USH2A: variants seen among roughly 807,000 people sequenced by gnomAD.
The protein encoded by USH2A is Usher syndrome 2A (autosomal recessive, mild).
A neutral mutation model predicts 538.9 loss-of-function variants in USH2A; 443 were observed. The observed-to-expected ratio is 0.82, with a 90% CI of 0.76 to 0.89. USH2A has a LOEUF of 0.89. Ranked by LOEUF, USH2A falls within the 40% of genes least tolerant of loss-of-function variation. USH2A has a pLI of 0.00. For synonymous variants in USH2A, 2,413 were observed against 2,273.5 expected, an observed-to-expected ratio of 1.06 and a Z score of -1.75; for missense variants, 6,633 against 6,324.8, an observed-to-expected ratio of 1.05 and a Z score of -1.65.
intron 44 of USH2A, among the ~76,000 whole-genome samples, chr1:215,848,076 G>A (rs185635083): frequency 3.9e-5 from 6 of 152,154 alleles, no homozygotes; most frequent in East Asian, 1.9e-4. Context: ...ATTGATCATC[G>A]GCAGGAACTG....
chr1:215,638,905 G>C (rs2102634266), intron 69 of USH2A, among the ~76,000 whole-genome samples: 1 of 151,392 alleles, frequency 6.6e-6, no homozygotes, highest in African/African-American at 2.4e-5. Flanking sequence ...TTGAACCCAG[G>C]AGGTGGAGGT....
At chr1:216,101,285 A>T (rs867131969) in intron 21 of USH2A, among the ~76,000 whole-genome samples, 1 of 152,250 alleles carries the variant, frequency 6.6e-6, no homozygotes, top group Non-Finnish European at 1.5e-5. Flanking sequence ...TTTGATTAAC[A>T]TATAAAACAT....
chr1:215,946,401 T>C (rs1335010099), intron 37 of USH2A, among the ~76,000 whole-genome samples: 1 of 152,166 alleles, frequency 6.6e-6, no homozygotes, highest in East Asian at 1.9e-4. Flanking sequence ...AGACAGACTT[T>C]GGCATAATTT....
chr1:215,717,770 A>T (rs1030687902), intron 61 of USH2A, among the ~76,000 whole-genome samples: 3 of 152,118 alleles, frequency 2.0e-5, no homozygotes, highest in Non-Finnish European at 4.4e-5. Context: ...TCATATATTC[A>T]TGAGACTACA....
chr1:216,075,961 T>C (rs374613922), intron 27 of USH2A, among the ~76,000 whole-genome samples: 1 of 152,000 alleles, frequency 6.6e-6, no homozygotes, highest in Admixed American at 6.6e-5. Flanking sequence ...TTAAGACAAT[T>C]GATAGTGGGT....
At chr1:215,930,534 T>C (rs1449729413) in intron 38 of USH2A, among the ~76,000 whole-genome samples, 2 of 152,058 alleles carry the variant, frequency 1.3e-5, no homozygotes, top group South Asian at 2.1e-4. Flanking sequence ...TCTAAGCTCA[T>C]TTGTTCTTCT....
Position 215,670,959 on chromosome 1 carries a change from A to T in USH2A, c.14133+13T>A. On this transcript the variant is annotated intron_variant, in intron 64 of 71. Transcript: ENST00000307340. The stretch of plus-strand genomic sequence containing the variant: ...ACAATCAGCTCGAATTGTTTATAAT[A>T]CACATTTCTTACCTGATACTCATAC... The T allele has an allele frequency of 1.2e-6, 2 of 1,613,604 alleles. No homozygotes were observed. Among genetic ancestry groups the T allele is most frequent in the Non-Finnish European group, 1.7e-6 (2 of 1,179,532 alleles).
intron 13 of USH2A, among the ~76,000 whole-genome samples, chr1:216,233,611 C>T (rs1038527884): frequency 2.6e-5 from 4 of 151,856 alleles, no homozygotes; most frequent in African/African-American, 9.7e-5. Context: ...GGCTGTGAGC[C>T]CTGCAAGTAG....
chr1:215,877,755 C>T lies in USH2A; in HGVS notation c.8681+3G>A, dbSNP rs541719977. 3 of 1,613,526 alleles carry T rather than the reference C, an allele frequency of 1.9e-6. No individual in the cohort carries two copies. Among genetic ancestry groups the T allele is most frequent in the South Asian group, 1.1e-5 (1 of 91,044 alleles). ...TTTGTTTTTATAGTTTTTGTAATCT[C>T]ACCTGCTAAGACCCTTATCTTCATA... On this transcript the variant is annotated splice_donor_region_variant and intron_variant, in intron 43 of 71. Coordinates refer to ENST00000307340, the MANE Select transcript of USH2A (RefSeq NM_206933.4).
chr1:215,675,156 G>A lies in USH2A; in HGVS notation c.12755C>T (p.Ser4252Phe), dbSNP rs572195818. 1 of 1,614,094 alleles carries A rather than the reference G, an allele frequency of 6.2e-7. No individual in the cohort carries two copies. Among genetic ancestry groups the A allele is most frequent in the African/African-American group, 1.3e-5 (1 of 75,038 alleles). ...TWNSAGHTCS[S>F]WNVVRTLQAP... ...TTGCAATGTCCTCACCACATTCCAA[G>A]AGCTACAGGTATGCCCAGCTGAATT... is the stretch of plus-strand genomic sequence containing the variant. Residue 4252 changes from serine to phenylalanine, a missense_variant, in exon 63 of 72, where the codon TCT becomes TTT. Coordinates refer to ENST00000307340, the MANE Select transcript of USH2A (RefSeq NM_206933.4).
chr1:216,163,451 C>A (rs766260834), intron 21 of USH2A, among the ~76,000 whole-genome samples: 25 of 151,636 alleles, frequency 1.6e-4, no homozygotes, highest in Non-Finnish European at 3.5e-4. Flanking sequence ...ATCTGAATTA[C>A]TTGAGGATAT....
intron 60 of USH2A, among the ~76,000 whole-genome samples, chr1:215,733,858 A>G (rs1660076051): frequency 6.6e-6 from 1 of 152,240 alleles, no homozygotes; most frequent in Admixed American, 6.5e-5. Context: ...TGCAGAGTGC[A>G]GACCCTGTGG....
intron 43 of USH2A, among the ~76,000 whole-genome samples, chr1:215,873,163 A>T (rs1265260432): frequency 2.0e-5 from 3 of 152,210 alleles, no homozygotes; most frequent in Non-Finnish European, 4.4e-5. Context: ...ACTGTGACCA[A>T]TTTAATTTGA....
At chr1:215,998,557 C>G (rs566805931) in intron 34 of USH2A, among the ~76,000 whole-genome samples, 1 of 152,000 alleles carries the variant, frequency 6.6e-6, no homozygotes, top group South Asian at 2.1e-4. Context: ...GGGAAATAAC[C>G]TTATGAATCC....
intron 21 of USH2A, among the ~76,000 whole-genome samples, chr1:216,170,446 C>T (rs973916182): frequency 3.3e-5 from 5 of 152,038 alleles, no homozygotes; most frequent in African/African-American, 4.8e-5. Flanking sequence ...TCACATTTCT[C>T]GTGAAGACAA....
chr1:215,816,801 A>G (rs527933397), intron 48 of USH2A, among the ~76,000 whole-genome samples, 196 bp downstream of exon 48: 69 of 152,208 alleles, frequency 4.5e-4, no homozygotes, highest in Middle Eastern at 3.4e-3. Flanking sequence ...TTGTGAAGAT[A>G]ATAAAAAATG....
chr1:216,292,098 A>G (rs1386711317), intron 10 of USH2A, 77 bp downstream of exon 10: 21 of 1,468,440 alleles, frequency 1.4e-5, no homozygotes, highest in African/African-American at 2.8e-5. Context: ...TAGCAATAAC[A>G]TAATTTAAAA....
chr1:216,028,016 T>C (rs1669010135), intron 32 of USH2A, among the ~76,000 whole-genome samples: 1 of 152,186 alleles, frequency 6.6e-6, no homozygotes, highest in Non-Finnish European at 1.5e-5. Context: ...TCAAATCAGT[T>C]TTCAGAATCT....
intron 19 of USH2A, chr1:216,195,929 T>C (rs1212063490): frequency 5.9e-6 from 1 of 168,518 alleles, no homozygotes; most frequent in Non-Finnish European, 1.4e-5. Flanking sequence ...GATTGCTGTA[T>C]GTATCAGATG....
Sources: gnomAD v4.1 joint callset for allele counts (sites outside exome capture counted in the v4.1 genomes callset) on GRCh38, gnomAD v4.1.1 for gene constraint, MANE v1.5 for transcripts, NCBI Gene and HGNC (gene_info 2026-07-23, HGNC 2026-07-21) for gene names.